The following ADAMTSL3 variants were observed in gnomAD, a reference collection of about 807,000 sequenced individuals.
ADAMTSL3 encodes the protein ADAMTS-like protein 3.
A neutral mutation model predicts 201.7 loss-of-function variants in ADAMTSL3; 128 were observed. The ratio of observed to expected loss-of-function variants is 0.63; its 90% confidence interval spans 0.55 to 0.73. ADAMTSL3 has a LOEUF of 0.73. ADAMTSL3 is among the 30% of genes least tolerant of loss of function. The pLI, the probability that ADAMTSL3 is intolerant of heterozygous loss-of-function variation, is 0.00. For synonymous variants in ADAMTSL3, 738 were observed against 748.4 expected (o/e 0.99, Z 0.23); for missense variants, 1,990 against 2,119.6 (o/e 0.94, Z 1.20).
intron 4 of ADAMTSL3, among the ~76,000 whole-genome samples, chr15:83,787,935 T>C (rs1267035167): frequency 3.3e-5 from 5 of 152,166 alleles, no homozygotes; most frequent in African/African-American, 4.8e-5. Context: ...TAAATTATTA[T>C]GAAGGCATAT....
At chr15:83,772,703 C>A (rs1353075892) in intron 3 of ADAMTSL3, among the ~76,000 whole-genome samples, 1 of 82,908 alleles carries the variant, frequency 1.2e-5, no homozygotes, top group African/African-American at 4.8e-5. Context: ...CTCATGAGCA[C>A]TTCTTTTTTT....
chr15:83,843,696 C>T (rs2064432058), intron 7 of ADAMTSL3, among the ~76,000 whole-genome samples: 1 of 152,268 alleles, frequency 6.6e-6, no homozygotes, highest in South Asian at 2.1e-4. Context: ...CTGGGACTCA[C>T]CCTGAGTCAG....
At chr15:83,926,515 A>G (rs562172065) in intron 17 of ADAMTSL3, among the ~76,000 whole-genome samples, 249 of 152,304 alleles carry the variant, frequency 1.6e-3, no homozygotes, top group African/African-American at 5.8e-3. Flanking sequence ...GATCCAGCCC[A>G]CCACAATTTC....
At chr15:83,690,720 G>A (rs1211992923) in intron 2 of ADAMTSL3, among the ~76,000 whole-genome samples, 1 of 152,140 alleles carries the variant, frequency 6.6e-6, no homozygotes, top group Admixed American at 6.5e-5. Context: ...AGCATGGAGT[G>A]TCTTGTTCCG....
chr15:83,818,956 C>T (rs1043846572), intron 5 of ADAMTSL3, among the ~76,000 whole-genome samples: 1 of 151,904 alleles, frequency 6.6e-6, no homozygotes, highest in Non-Finnish European at 1.5e-5. Flanking sequence ...GGGAGCCTGA[C>T]GGGAGGAAAG....
chr15:83,721,717 C>T (rs1210586168), intron 3 of ADAMTSL3, among the ~76,000 whole-genome samples: 1 of 152,032 alleles, frequency 6.6e-6, no homozygotes. Context: ...AAGACACTAG[C>T]ATATTTATGT....
Position 83,982,779 on chromosome 15 carries a change from A to G in ADAMTSL3, c.3151A>G (p.Ser1051Gly). 1 of 1,614,184 alleles carries G rather than the reference A, an allele frequency of 6.2e-7. No homozygotes were observed. The highest frequency in any genetic ancestry group is 8.5e-7 in the Non-Finnish European group (1 of 1,180,040). Residue 1051 changes from serine (S) to glycine (G), a missense_variant, in exon 21 of 30, where the codon AGT becomes GGT. Coordinates refer to ENST00000286744, the MANE Select transcript of ADAMTSL3 (RefSeq NM_207517.3). ...CCTTTATCTGGATGATGACCACATT[A>G]GTAACCAGCCTTTCTTGAGAGCTCT... ...NDLYLDDDHI[S>G]NQPFLRALLG...
chr15:83,691,253 A>G (rs1440294595), intron 2 of ADAMTSL3, among the ~76,000 whole-genome samples: 1 of 152,232 alleles, frequency 6.6e-6, no homozygotes, highest in African/African-American at 2.4e-5. Context: ...ATTAAGAAAT[A>G]TACAGTAGAG....
chr15:83,997,353 C>T (rs2067706084), intron 23 of ADAMTSL3, among the ~76,000 whole-genome samples: 3 of 152,068 alleles, frequency 2.0e-5, no homozygotes, highest in South Asian at 4.1e-4. Context: ...TTTGGGAAGT[C>T]GAGGCAGGTG....
chr15:83,999,138 T>C (rs1164686510), intron 23 of ADAMTSL3, among the ~76,000 whole-genome samples: 1 of 152,242 alleles, frequency 6.6e-6, no homozygotes, highest in African/African-American at 2.4e-5. Flanking sequence ...TTTTGTTATA[T>C]TCCTGTAACC....
chr15:83,888,692 A>G (rs771228972), intron 10 of ADAMTSL3, among the ~76,000 whole-genome samples: 6 of 152,206 alleles, frequency 3.9e-5, no homozygotes, highest in Non-Finnish European at 8.8e-5. Flanking sequence ...CTAGATTGCC[A>G]TTGCCATCTG....
chr15:84,021,448 G>T lies in ADAMTSL3; in HGVS notation c.4312G>T (p.Ala1438Ser). The change falls in exon 26 of 30, where the codon GCC becomes TCC. Residue 1438 changes from alanine (A) to serine (S), a missense_variant. Physicochemically the swap from Ala to Ser is moderately conservative, Grantham distance 99 (BLOSUM62 1). Coordinates refer to ENST00000286744, the MANE Select transcript of ADAMTSL3 (RefSeq NM_207517.3). ...WEPGNWSHCS[A>S]TCGHLGARIQ... is the part of the protein sequence containing the mutation. ...GCCTGGTAACTGGTCACATTGTTCTGCCACCTGTGGTCATTTGGGAGCCCG... is the reference window on the plus strand; with the variant it reads ...GCCTGGTAACTGGTCACATTGTTCTTCCACCTGTGGTCATTTGGGAGCCCG... 6.2e-7 allele frequency: 1 copy of T among 1,614,048 alleles called. No homozygotes were observed. The highest frequency in any genetic ancestry group is 8.5e-7 in the Non-Finnish European group (1 of 1,180,010).
intron 5 of ADAMTSL3, among the ~76,000 whole-genome samples, chr15:83,816,004 C>T (rs990143122): frequency 1.3e-5 from 2 of 152,326 alleles, no homozygotes; most frequent in East Asian, 1.9e-4. Flanking sequence ...CTTAGATTAG[C>T]TCAGGACAAA....
chr15:83,926,961 T>G (rs1387520275), intron 17 of ADAMTSL3, among the ~76,000 whole-genome samples: 1 of 151,988 alleles, frequency 6.6e-6, no homozygotes, highest in African/African-American at 2.4e-5. Context: ...CTTTCTATAT[T>G]TGTAGCCATG....
At chr15:83,797,040 A>G (rs2063438299) in intron 4 of ADAMTSL3, among the ~76,000 whole-genome samples, 1 of 152,346 alleles carries the variant, frequency 6.6e-6, no homozygotes, top group East Asian at 1.9e-4. Context: ...AAAGGAAAAT[A>G]CGGATAAATT....
intron 10 of ADAMTSL3, among the ~76,000 whole-genome samples, chr15:83,888,040 A>C (rs1052024949): frequency 6.6e-6 from 1 of 152,226 alleles, no homozygotes; most frequent in South Asian, 2.1e-4. Context: ...CAGTTGATCA[A>C]ATTCTTGGGA....
chr15:83,886,570 A>T (rs2065395334), intron 10 of ADAMTSL3, among the ~76,000 whole-genome samples: 1 of 151,784 alleles, frequency 6.6e-6, no homozygotes. Flanking sequence ...CCTCCCCTAA[A>T]CCTCCTACTA....
At chr15:83,940,567 G>C (rs951110105) in intron 17 of ADAMTSL3, among the ~76,000 whole-genome samples, 2 of 152,080 alleles carry the variant, frequency 1.3e-5, no homozygotes, top group African/African-American at 4.8e-5. Flanking sequence ...ACCTCTCAAA[G>C]GTCCCATCTC....
intron 3 of ADAMTSL3, among the ~76,000 whole-genome samples, chr15:83,724,438 T>C (rs1021029120): frequency 4.9e-4 from 74 of 152,012 alleles, no homozygotes; most frequent in African/African-American, 1.6e-3. Flanking sequence ...CTAGTAAGTG[T>C]ATATATTTAT....
Sources: allele counts gnomAD v4.1 joint callset (sites outside exome capture counted in the v4.1 genomes callset), GRCh38; gene constraint gnomAD v4.1.1; transcripts MANE v1.5; gene names NCBI Gene and HGNC (gene_info 2026-07-23, HGNC 2026-07-21).